CIT: variants seen among roughly 807,000 people sequenced by gnomAD.
CIT encodes the protein citron rho-interacting serine/threonine kinase.
In CIT, 79 loss-of-function variants were observed where a neutral mutation model predicts 272.7. That is an observed-to-expected ratio of 0.29 (90% CI 0.24 to 0.35). The LOEUF (loss-of-function observed/expected upper bound fraction) is 0.35, where lower values mean the gene tolerates loss of function less well. CIT is among the 10% of genes least tolerant of loss of function. CIT has a pLI of 1.00. For missense variants in CIT, 1,909 were observed against 2,618.3 expected (o/e 0.73, Z 5.91); for synonymous variants, 948 against 995.6 (o/e 0.95, Z 0.90).
chr12:119,718,720 G>C lies in CIT; in HGVS notation c.3982C>G (p.Leu1328Val). 6.2e-7 allele frequency: 1 copy of C among 1,613,692 alleles called. No individual in the cohort carries two copies. Among genetic ancestry groups the C allele is most frequent in the Non-Finnish European group, 8.5e-7 (1 of 1,180,044 alleles). Reference sequence around the variant, plus strand: ...CTACCTTCCTCCCGGGCGGACCGGAGCTCGATGCGGGTCTTCTGAAGGGCT... The same window carrying C: ...CTACCTTCCTCCCGGGCGGACCGGACCTCGATGCGGGTCTTCTGAAGGGCT... ...EEALQKTRIE[L>V]RSAREEAAHR... Residue 1328 changes from leucine to valine, a missense_variant, in exon 31 of 48, where the codon CTC becomes GTC. Leu to Val is a conservative substitution (Grantham distance 32, BLOSUM62 1). Coordinates refer to ENST00000392521, the MANE Select transcript of CIT (RefSeq NM_001206999.2). The surrounding 1 kb of genome is among the most constrained non-coding windows in gnomAD (Gnocchi z 4.8).
At chr12:119,792,497 G>A (rs555112114) in intron 10 of CIT, among the ~76,000 whole-genome samples, 2 of 152,210 alleles carry the variant, frequency 1.3e-5, no homozygotes, top group South Asian at 2.1e-4. Context: ...TAGAGATGGA[G>A]TCTTGTTCTG....
chr12:119,690,338 C>T lies in CIT; in HGVS notation c.5999G>A (p.Arg2000His), dbSNP rs200787337. ...CAGCTCGGTCCGCCCCTCGCGGTAG[C>T]GGTGGGGTGTGCTTGGCTCTCGCGG... ...SHPREPSTPH[R>H]YREGRTELRR... The change falls in exon 47 of 48, where the codon CGC (arginine) becomes CAC (histidine). Residue 2000 changes from arginine (R) to histidine (H), a missense_variant. Transcript: ENST00000392521. The surrounding 1 kb of genome is among the most constrained non-coding windows in gnomAD (Gnocchi z 6.0). 269 of 1,597,300 alleles carry T rather than the reference C, an allele frequency of 1.7e-4. No individual in the cohort carries two copies. Among genetic ancestry groups the T allele is most frequent in the Non-Finnish European group, 2.0e-4 (234 of 1,178,284 alleles).
intron 28 of CIT, among the ~76,000 whole-genome samples, chr12:119,725,735 T>C (rs1193824469): frequency 6.6e-6 from 1 of 152,176 alleles, no homozygotes; most frequent in Non-Finnish European, 1.5e-5. Context: ...CGGCACTCTA[T>C]TCCTAGAGTC....
chr12:119,752,788 T>G (rs1270943131), intron 22 of CIT, among the ~76,000 whole-genome samples: 1 of 152,224 alleles, frequency 6.6e-6, no homozygotes, highest in South Asian at 2.1e-4. Context: ...TATTCAATCT[T>G]TCATCATTCA....
In CIT at chr12:119,690,493, C is replaced by T; in HGVS notation, c.5883-39G>A. 1 of 1,524,918 alleles carries T rather than the reference C, an allele frequency of 6.6e-7. No individual in the cohort carries two copies. The allele number at this position is 1,524,918 out of a possible 1,614,324, so 94.5% of individuals were successfully genotyped here. A position where few individuals can be genotyped will look rare whatever the true frequency, so the allele number is the denominator to read the frequency against. ...AGGAACGTAGGGAGCTGCGAGGCCACAACCCCAGAGGGGCATTTTCCTTCT... is the reference window on the plus strand; with the variant it reads ...AGGAACGTAGGGAGCTGCGAGGCCATAACCCCAGAGGGGCATTTTCCTTCT... On this transcript the variant is annotated intron_variant, in intron 46 of 47. Transcript: ENST00000392521. The surrounding 1 kb of genome is among the most constrained non-coding windows in gnomAD (Gnocchi z 6.0).
chr12:119,800,897 C>T (rs1377339065), intron 10 of CIT, among the ~76,000 whole-genome samples: 4 of 152,192 alleles, frequency 2.6e-5, no homozygotes, highest in African/African-American at 4.8e-5. Flanking sequence ...CTACATCCAA[C>T]AGGTGGATGA....
At chr12:119,773,342 CTTATT>C (rs1963389310) in intron 16 of CIT, among the ~76,000 whole-genome samples, 2 of 152,174 alleles carry the variant, frequency 1.3e-5, no homozygotes. Flanking sequence ...TAATTTTCTC[CTTATT>C]TTAATTATCT....
chr12:119,712,211 C>T lies in CIT; in HGVS notation c.4821G>A (p.Gly1607=), dbSNP rs759781691. The T allele has an allele frequency of 5.0e-6, 8 of 1,608,064 alleles. No individual in the cohort carries two copies. Among genetic ancestry groups the T allele is most frequent in the Non-Finnish European group, 6.8e-6 (8 of 1,177,016 alleles). The change falls in exon 37 of 48, where the codon GGG becomes GGA. Residue 1607 remains glycine, a synonymous_variant. Coordinates refer to ENST00000392521, the MANE Select transcript of CIT (RefSeq NM_001206999.2). The surrounding 1 kb of genome is among the most constrained non-coding windows in gnomAD (Gnocchi z 5.2). ...VTALESVVAG[G]RVSREKAEAD... Reference sequence around the variant, plus strand: ...CTTCTGCTTTTTCCCTAGAAACTCTCCCACCTGCGACAACTGATTCTAAGG... The same window carrying T: ...CTTCTGCTTTTTCCCTAGAAACTCTTCCACCTGCGACAACTGATTCTAAGG...
chr12:119,735,214 G>A lies in CIT; in HGVS notation c.3102C>T (p.Asp1034=), dbSNP rs1958685712. 6.2e-7 allele frequency: 1 copy of A among 1,614,122 alleles called. No individual in the cohort carries two copies. The highest frequency in any genetic ancestry group is 8.5e-7 in the Non-Finnish European group (1 of 1,180,028). The change falls in exon 25 of 48, where the codon GAC becomes GAT. Residue 1034 remains aspartate (D), a synonymous_variant. Transcript: ENST00000392521. ...DEIVQLRSEV[D]HLRREITERE... ...GTTCCGTGATCTCCCGGCGGAGATG[G>A]TCCACTTCACTTCGCAGTTGTACAA...
chr12:119,873,564 G>T (rs543391507), intron 2 of CIT, among the ~76,000 whole-genome samples: 29 of 152,232 alleles, frequency 1.9e-4, no homozygotes, highest in Admixed American at 4.6e-4. Flanking sequence ...ACAGGCGTGA[G>T]CCACCACGCC....
Position 119,876,140 on chromosome 12 carries a change from T to A in CIT, c.29A>T (p.Asn10Ile), listed in dbSNP as rs1308407134. Residue 10 changes from asparagine (N) to isoleucine (I), a missense_variant, in exon 2 of 48, where the codon AAT becomes ATT. Transcript: ENST00000392521. Reference protein sequence around the residue: MLKFKYGARNPLDAGAAEPI... With the variant: MLKFKYGARIPLDAGAAEPI... The stretch of plus-strand genomic sequence containing the variant: ...TTCAGCAGCACCAGCATCCAAAGGA[T>A]TCCGCGCTCCATATTTGAACTTCAA... 1.2e-6 allele frequency: 2 copies of A among 1,613,786 alleles called. No individual in the cohort carries two copies. The highest frequency in any genetic ancestry group is 3.3e-5 in the Admixed American group (2 of 59,974).
At chr12:119,775,679 G>A in intron 16 of CIT, 107 bp downstream of exon 16, 2 of 805,356 alleles carry the variant, frequency 2.5e-6, no homozygotes, top group Admixed American at 2.3e-5. Context: ...CCTCAGCGCT[G>A]GGTGACTAAT....
chr12:119,719,342 CA>C (rs890975467), intron 30 of CIT, among the ~76,000 whole-genome samples: 87 of 142,304 alleles, frequency 6.1e-4, no homozygotes, highest in African/African-American at 1.6e-3. Flanking sequence ...GGGGCTTACT[CA>C]AAAAAAAATG....
At position 119,825,213 on chromosome 12, in the gene CIT, G is replaced by A. The variant is rs1353579093; in HGVS notation, c.909C>T (p.Phe303=). Reference sequence around the variant, plus strand: ...AGGTTCTGGCAGAGGTTCCCTCTGCGAAGGGGGATCTCCCATAAATCATCT... The same window carrying A: ...AGGTTCTGGCAGAGGTTCCCTCTGCAAAGGGGGATCTCCCATAAATCATCT... ...AYEMIYGRSP[F]AEGTSARTFN... The change falls in exon 8 of 48, where the codon TTC becomes TTT. Residue 303 remains phenylalanine, a synonymous_variant. Transcript: ENST00000392521. The A allele has an allele frequency of 1.1e-5, 17 of 1,613,936 alleles. No individual in the cohort carries two copies. Among genetic ancestry groups the A allele is most frequent in the East Asian group, 6.7e-5 (3 of 44,892 alleles).
chr12:119,825,050 T>C, intron 8 of CIT, 115 bp downstream of exon 8: 3 of 795,794 alleles, frequency 3.8e-6, no homozygotes, highest in Non-Finnish European at 4.0e-6. Context: ...TCCACCCACC[T>C]CGGCCTCCCA....
chr12:119,706,101 A>G (rs1306577249), intron 40 of CIT, among the ~76,000 whole-genome samples: 2 of 151,960 alleles, frequency 1.3e-5, no homozygotes, highest in East Asian at 1.9e-4. Flanking sequence ...AAAAAAAAAA[A>G]AAAAAATGTT....
chr12:119,709,825 T>A (rs1190829041), intron 39 of CIT, among the ~76,000 whole-genome samples: 1 of 138,882 alleles, frequency 7.2e-6, no homozygotes, highest in Non-Finnish European at 1.5e-5. Flanking sequence ...TGTGTGTGTG[T>A]GTGTGTGTGT....
At chr12:119,782,833 A>T (rs1459657046) in intron 12 of CIT, 196 bp from the exon 13 acceptor site, 6 of 537,314 alleles carry the variant, frequency 1.1e-5, no homozygotes, top group Non-Finnish European at 1.9e-5. Context: ...ACATCATCTC[A>T]ACCTGGTGAC....
At chr12:119,689,668 T>A (rs1025416651) in intron 47 of CIT, among the ~76,000 whole-genome samples, 1 of 111,662 alleles carries the variant, frequency 9.0e-6, no homozygotes, top group African/African-American at 4.9e-5. Context: ...AGGAAGCTCT[T>A]TTTTTTTTTT....
Sources: allele counts gnomAD v4.1 joint callset (sites outside exome capture counted in the v4.1 genomes callset), GRCh38; gene constraint gnomAD v4.1.1; non-coding constraint Gnocchi (gnomAD v3.1); transcripts MANE v1.5; gene names NCBI Gene and HGNC (gene_info 2026-07-23, HGNC 2026-07-21).